The following SLFN12 variants were observed in gnomAD, a reference collection of about 807,000 sequenced individuals.
SLFN12 encodes ribonuclease SLFN12.
Under a neutral mutation model 29.1 loss-of-function variants are expected in SLFN12, and 25 were observed. That is an observed-to-expected ratio of 0.86 (90% CI 0.63 to 1.20). SLFN12 has a LOEUF of 1.20. Among genes scored for constraint, SLFN12 ranks in the 50% most tolerant of loss-of-function variants. The pLI is 0.00. For missense variants in SLFN12, 660 were observed against 666.2 expected (o/e 0.99, Z 0.10); for synonymous variants, 257 against 238.7 (o/e 1.08, Z -0.71).
Position 35,422,466 on chromosome 17 carries a change from G to A in SLFN12, c.563C>T (p.Thr188Ile). ...CAATTTTTCTTTCCGATCAAGTTCT[G>A]TTCTATCAAAAAAAACCCCGGCCAA... ...KALAGVFFDR[T>I]ELDRKEKLTF... The change falls in exon 2 of 4, where the codon ACA becomes ATA. Residue 188 changes from threonine (T) to isoleucine (I), a missense_variant. By Grantham distance (89) the Thr-to-Ile change is moderately conservative. Transcript: ENST00000304905. 6.2e-7 allele frequency: 1 copy of A among 1,612,412 alleles called. No homozygotes were observed. The highest frequency in any genetic ancestry group is 1.3e-5 in the African/African-American group (1 of 74,832).
rs752413974 is a variant in SLFN12 at position 35,411,377 on chromosome 17, A to G, written c.1698T>C (p.Asn566=). ...QIIGIDCFQK[N]DKKMFKSCRR... is the part of the protein sequence containing the mutation. ...GACAAGATTTAAACATCTTTTTATCATTCTTCTGAAAGCAATCTATACCGA... is the reference window on the plus strand; with the variant it reads ...GACAAGATTTAAACATCTTTTTATCGTTCTTCTGAAAGCAATCTATACCGA... Residue 566 remains asparagine (N), a synonymous_variant, in exon 4 of 4, where the codon AAT becomes AAC. Transcript: ENST00000304905. 6 of 1,572,530 alleles carry G rather than the reference A, an allele frequency of 3.8e-6. No individual in the cohort carries two copies. Among genetic ancestry groups the G allele is most frequent in the Non-Finnish European group, 5.2e-6 (6 of 1,161,502 alleles).
At chr17:35,429,328 C>G (rs1047416600) in intron 1 of SLFN12, among the ~76,000 whole-genome samples, 1 of 152,066 alleles carries the variant, frequency 6.6e-6, no homozygotes, top group Non-Finnish European at 1.5e-5. Context: ...CCGGTCACCC[C>G]AGTCCAACAT....
intron 1 of SLFN12, among the ~76,000 whole-genome samples, chr17:35,430,828 T>G (rs1740037270): frequency 6.6e-6 from 1 of 152,162 alleles, no homozygotes; most frequent in African/African-American, 2.4e-5. Context: ...TAATCTTCAT[T>G]TAATGTATTT....
intron 2 of SLFN12, among the ~76,000 whole-genome samples, chr17:35,421,438 T>C (rs537713745): frequency 4.0e-5 from 6 of 151,668 alleles, no homozygotes; most frequent in Non-Finnish European, 8.8e-5. Context: ...AATTGGGTTT[T>C]TGCACCAGGT....
At position 35,411,262 on chromosome 17, in the gene SLFN12, G is replaced by A; in HGVS notation, c.*76C>T. ...TTGCTTAACTTGCAAAGTTTTCAAA[G>A]AAATATTTTCACAGAATTAGAGAAT... On this transcript the variant is annotated 3_prime_UTR_variant, in exon 4 of 4. Coordinates refer to ENST00000304905, the MANE Select transcript of SLFN12 (RefSeq NM_018042.5). 1 of 1,172,022 alleles carries A rather than the reference G, an allele frequency of 8.5e-7. No individual in the cohort carries two copies. Among genetic ancestry groups the A allele is most frequent in the Non-Finnish European group, 1.2e-6 (1 of 849,980 alleles). 72.6% of individuals were successfully genotyped at this position (1,172,022 alleles called of 1,614,324 possible).
intron 3 of SLFN12, among the ~76,000 whole-genome samples, chr17:35,412,977 G>A (rs190782564): frequency 6.6e-6 from 1 of 151,484 alleles, no homozygotes; most frequent in East Asian, 1.9e-4. Context: ...GAACTTATTT[G>A]ATAATATTTA....
Position 35,411,352 on chromosome 17 carries a change from G to A in SLFN12, c.1723C>T (p.Arg575Ter), listed in dbSNP as rs761870008. ...KNDKKMFKSC[R>*]RLT ...TCCATTTTCCATCAGGTGAGCCTTC[G>A]ACAAGATTTAAACATCTTTTTATCA... The change falls in exon 4 of 4, where the codon CGA (arginine) becomes TGA (stop). Residue 575 changes from arginine (R) to a stop codon, truncating the protein, a stop_gained. Transcript: ENST00000304905. LOFTEE classifies it high-confidence loss of function. The A allele has an allele frequency of 2.8e-5, 43 of 1,543,606 alleles. No homozygotes were observed. Among genetic ancestry groups the A allele is most frequent in the Non-Finnish European group, 3.4e-5 (39 of 1,147,808 alleles).
chr17:35,430,938 A>G (rs1308146010), intron 1 of SLFN12, among the ~76,000 whole-genome samples: 1 of 152,140 alleles, frequency 6.6e-6, no homozygotes, highest in Non-Finnish European at 1.5e-5. Flanking sequence ...TTGTGTAACT[A>G]TGGCCTTTAC....
At chr17:35,414,052 G>A (rs1267986032) in intron 3 of SLFN12, among the ~76,000 whole-genome samples, 1 of 151,980 alleles carries the variant, frequency 6.6e-6, no homozygotes, top group Non-Finnish European at 1.5e-5. Context: ...AACATTGAAA[G>A]CTTTTCATCT....
chr17:35,420,508 A>C, intron 2 of SLFN12, 127 bp from the exon 3 acceptor site: 2 of 607,014 alleles, frequency 3.3e-6, no homozygotes, highest in Non-Finnish European at 2.8e-6. Context: ...TTAATGTTAG[A>C]TATTGTGGTT....
intron 1 of SLFN12, among the ~76,000 whole-genome samples, chr17:35,429,200 A>G (rs376787051): frequency 6.6e-6 from 1 of 152,024 alleles, no homozygotes; most frequent in East Asian, 1.9e-4. Context: ...CAGAAATCAC[A>G]TCTCACCCTC....
At chr17:35,417,360 GA>G (rs1251899443) in intron 3 of SLFN12, among the ~76,000 whole-genome samples, 1 of 152,004 alleles carries the variant, frequency 6.6e-6, no homozygotes, top group Non-Finnish European at 1.5e-5. Flanking sequence ...GATAAAAAAA[GA>G]AAAAACATTT....
At position 35,422,804 on chromosome 17, in the gene SLFN12, T is replaced by G; in HGVS notation, c.225A>C (p.Ile75=). ...TAAAAGAATTTTCCAAATCTAGTCC[T>G]ATTCCATCTTTTGTATAACTATAGT... is the stretch of plus-strand genomic sequence containing the variant. ...NEDYSYTKDG[I]GLDLENSFSN... Residue 75 remains isoleucine, a synonymous_variant, in exon 2 of 4, where the codon ATA becomes ATC. Transcript: ENST00000304905. 1 of 1,613,788 alleles carries G rather than the reference T, an allele frequency of 6.2e-7. No individual in the cohort carries two copies. The highest frequency in any genetic ancestry group is 8.5e-7 in the Non-Finnish European group (1 of 1,179,802).
intron 3 of SLFN12, among the ~76,000 whole-genome samples, chr17:35,417,503 T>C (rs888532665): frequency 6.6e-6 from 1 of 152,136 alleles, no homozygotes; most frequent in Admixed American, 6.5e-5. Context: ...ATGCACAGGT[T>C]TGTTACATAG....
intron 3 of SLFN12, among the ~76,000 whole-genome samples, chr17:35,415,435 AT>A (rs1407572370): frequency 6.6e-6 from 1 of 152,116 alleles, no homozygotes; most frequent in East Asian, 1.9e-4. Context: ...CAGAAAAACA[AT>A]TCTAGACGTT....
chr17:35,426,073 C>T (rs1912006162), intron 1 of SLFN12, among the ~76,000 whole-genome samples: 2 of 151,262 alleles, frequency 1.3e-5, no homozygotes, highest in Admixed American at 1.3e-4. Flanking sequence ...TTTCATATAT[C>T]TGTTGTCCAT....
intron 1 of SLFN12, among the ~76,000 whole-genome samples, chr17:35,428,265 G>A (rs993108844): frequency 3.3e-5 from 5 of 152,054 alleles, no homozygotes; most frequent in South Asian, 2.1e-4. Context: ...CAGAATTATC[G>A]CTAGCAAATT....
intron 1 of SLFN12, among the ~76,000 whole-genome samples, chr17:35,428,432 T>C (rs991188674): frequency 5.9e-5 from 9 of 152,034 alleles, no homozygotes; most frequent in Non-Finnish European, 8.8e-5. Flanking sequence ...TTAGAAAGCA[T>C]CTTAGTGGGG....
At position 35,429,086 on chromosome 17, in the gene SLFN12, TAG is replaced by T. The variant is rs535053491; in HGVS notation, c.-41+3100_-41+3101del. 1.3e-3 allele frequency among the ~76,000 whole-genome samples: 194 copies of T among 152,238 alleles called. 1 individual carries two copies. The South Asian group carries it at 0.019, about 15-fold the overall frequency. ...GATTCTTTTTTGCAGCCTCTCTAAC[TAG>T]AGTCTTGTCCCCTTTCCTCTTAGCC... On this transcript the variant is annotated intron_variant, in intron 1 of 3. Coordinates refer to ENST00000304905, the MANE Select transcript of SLFN12 (RefSeq NM_018042.5).
Sources: allele counts gnomAD v4.1 joint callset (sites outside exome capture counted in the v4.1 genomes callset), GRCh38; gene constraint gnomAD v4.1.1; transcripts MANE v1.5; gene names NCBI Gene and HGNC (gene_info 2026-07-23, HGNC 2026-07-21).